The following MYH2 variants were observed in gnomAD, a reference collection of about 807,000 sequenced individuals.
MYH2 encodes the protein myosin-2.
Under a neutral mutation model 228.1 loss-of-function variants are expected in MYH2, and 139 were observed. The observed-to-expected ratio is 0.61, with a 90% CI of 0.53 to 0.70. The LOEUF (loss-of-function observed/expected upper bound fraction) is 0.70, where lower values mean the gene tolerates loss of function less well. Ranked by LOEUF, MYH2 falls within the 30% of genes least tolerant of loss-of-function variation. The probability of loss-of-function intolerance (pLI) is 0.00; values close to 1 mark genes in which losing one functional copy is unlikely to be tolerated. For synonymous variants in MYH2, 796 were observed against 871.1 expected (o/e 0.91, Z 1.52); for missense variants, 1,809 against 2,357.5 (o/e 0.77, Z 4.82).
chr17:10,541,064 G>A (rs1297372944), intron 10 of MYH2, among the ~76,000 whole-genome samples: 1 of 152,048 alleles, frequency 6.6e-6, no homozygotes, highest in Non-Finnish European at 1.5e-5. Context: ...GTTGCCTCAG[G>A]ACCCTGTGAT....
chr17:10,523,223 A>C (rs1567726561), intron 38 of MYH2, 38 bp from the exon 39 acceptor site: 1 of 1,605,786 alleles, frequency 6.2e-7, no homozygotes, highest in Middle Eastern at 1.7e-4. Flanking sequence ...TTAATTACTA[A>C]AGCACATGAC....
At chr17:10,530,162 T>C in intron 22 of MYH2, 88 bp from the exon 23 acceptor site, 1 of 1,607,028 alleles carries the variant, frequency 6.2e-7, no homozygotes, top group Admixed American at 1.7e-5. Flanking sequence ...TTTGATCTTT[T>C]GAATTTCCTA....
rs150566222 is a variant in MYH2, at chr17:10,531,676, G to A, written c.2654C>T (p.Thr885Met). The change falls in exon 22 of 40, where the codon ACG (threonine) becomes ATG (methionine). Residue 885 changes from threonine to methionine, a missense_variant. Transcript: ENST00000245503. ...KRKELEEKMV[T>M]LLKEKNDLQL... Reference sequence around the variant, plus strand: ...CAAGTCATTTTTTTCTTTCAACAGCGTCACCATCTTTTCTTCCAGTTCCTT... The same window carrying A: ...CAAGTCATTTTTTTCTTTCAACAGCATCACCATCTTTTCTTCCAGTTCCTT... 3.5e-5 allele frequency: 57 copies of A among 1,614,088 alleles called. No homozygotes were observed. The highest frequency in any genetic ancestry group is 1.3e-4 in the East Asian group (6 of 44,886).
intron 16 of MYH2, 147 bp from the exon 17 acceptor site, chr17:10,536,753 C>G: frequency 1.3e-6 from 1 of 771,948 alleles, no homozygotes; most frequent in Non-Finnish European, 2.2e-6. Context: ...TATTTTTCAA[C>G]TAAGTTTGCA....
rs1231692065 is a variant in MYH2, at chr17:10,529,268, C to A, written c.3264-16G>T. The A allele has an allele frequency of 6.2e-7, 1 of 1,614,132 alleles. No homozygotes were observed. Among genetic ancestry groups the A allele is most frequent in the Non-Finnish European group, 8.5e-7 (1 of 1,180,016 alleles). On this transcript the variant is annotated splice_polypyrimidine_tract_variant and intron_variant, in intron 25 of 39. Coordinates refer to ENST00000245503, the MANE Select transcript of MYH2 (RefSeq NM_017534.6). ...AAACTCTTTCCTTTTAGAAAAGTAG[C>A]AAAGGACAACAATTTAGTCCGTATC...
In MYH2 at chr17:10,525,116, G is replaced by A. The variant is rs569334631; in HGVS notation, c.4663-51C>T. 8 of 1,613,920 alleles carry A rather than the reference G, an allele frequency of 5.0e-6. No individual in the cohort carries two copies. In the Admixed American group the frequency reaches 6.7e-5, roughly 13 times the overall value. On this transcript the variant is annotated intron_variant, in intron 33 of 39. Coordinates refer to ENST00000245503, the MANE Select transcript of MYH2 (RefSeq NM_017534.6). This position sits in a 1 kb window ranked among gnomAD's most constrained non-coding sequence, Gnocchi z 4.2. ...AGCAAGGAACCAAAAGCTTTATGAA[G>A]TTTTTCTGCACAGCAATAATTTTGT... is the stretch of plus-strand genomic sequence containing the variant.
intron 27 of MYH2, among the ~76,000 whole-genome samples, chr17:10,528,162 G>A (rs2073378228): frequency 6.6e-6 from 1 of 150,662 alleles, no homozygotes; most frequent in South Asian, 2.1e-4. Flanking sequence ...TCCTGCCTCA[G>A]CCTCCTGAAT....
rs1567728744 is a variant in MYH2 at position 10,526,958 on chromosome 17, G to A, written c.3970C>T (p.Gln1324Ter). ...ATTACTTTTATCTCCTCTTCAAGTTGCCTCTTTAATTCTTCAATCTGTTGA... is the reference window on the plus strand; with the variant it reads ...ATTACTTTTATCTCCTCTTCAAGTTACCTCTTTAATTCTTCAATCTGTTGA... ...FTQQIEELKR[Q>*]LEEEIKAKNA... Residue 1324 changes from glutamine (Q) to a stop codon, truncating the protein, a stop_gained, in exon 29 of 40, where the codon CAA becomes TAA. Coordinates refer to ENST00000245503, the MANE Select transcript of MYH2 (RefSeq NM_017534.6). LOFTEE classifies it high-confidence loss of function. 1 of 1,614,046 alleles carries A rather than the reference G, an allele frequency of 6.2e-7. No individual in the cohort carries two copies. The highest frequency in any genetic ancestry group is 1.3e-5 in the African/African-American group (1 of 75,048).
Position 10,537,529 on chromosome 17 carries a change from A to G in MYH2, c.1601T>C (p.Phe534Ser), listed in dbSNP as rs938506224. The G allele has an allele frequency of 1.2e-5, 19 of 1,614,208 alleles. No individual in the cohort carries two copies. The highest frequency in any genetic ancestry group is 1.4e-5 in the Non-Finnish European group (16 of 1,180,024). Reference sequence around the variant, plus strand: ...CATGCACTCCTCTTCCAGGATGGAGAAGATGCCCATAGGCTAAAAAGCAGA... The same window carrying G: ...CATGCACTCCTCTTCCAGGATGGAGGAGATGCCCATAGGCTAAAAAGCAGA... ...IELIEKPMGI[F>S]SILEEECMFP... The change falls in exon 16 of 40, where the codon TTC becomes TCC. Residue 534 changes from phenylalanine (F) to serine (S), a missense_variant. Physicochemically the swap from Phe to Ser is radical, Grantham distance 155 (BLOSUM62 -2). Transcript: ENST00000245503. The surrounding 1 kb of genome is among the most constrained non-coding windows in gnomAD (Gnocchi z 4.0).
chr17:10,540,744 T>C, intron 10 of MYH2, 47 bp from the exon 11 acceptor site: 1 of 1,484,402 alleles, frequency 6.7e-7, no homozygotes, highest in East Asian at 2.3e-5. Flanking sequence ...ATCTTCTTCA[T>C]TAAAACAAGA....
chr17:10,538,626 C>CA (rs1215053231), intron 14 of MYH2, among the ~76,000 whole-genome samples: 1 of 135,926 alleles, frequency 7.4e-6, no homozygotes. Flanking sequence ...GCCTGGGCAA[C>CA]AGAGTGAGAC....
At position 10,536,619 on chromosome 17, in the gene MYH2, G is replaced by A. The variant is rs768863803; in HGVS notation, c.1898-13C>T. ...CCACCAGCTCCCTCTGAAGAAAAAGGAAGAAAAGAAATACTGTTTTGAATT... is the reference window on the plus strand; with the variant it reads ...CCACCAGCTCCCTCTGAAGAAAAAGAAAGAAAAGAAATACTGTTTTGAATT... On this transcript the variant is annotated splice_polypyrimidine_tract_variant and intron_variant, in intron 16 of 39. Transcript: ENST00000245503. 4 of 1,609,984 alleles carry A rather than the reference G, an allele frequency of 2.5e-6. No individual in the cohort carries two copies. The highest frequency in any genetic ancestry group is 1.7e-5 in the Admixed American group (1 of 59,902).
At chr17:10,545,228 C>G (rs2073611749) in intron 5 of MYH2, 118 bp downstream of exon 5, 1 of 1,580,882 alleles carries the variant, frequency 6.3e-7, no homozygotes, top group Admixed American at 1.7e-5. Context: ...TTCATAAATA[C>G]ACCAGCCTCA....
At chr17:10,540,140 T>C (rs1190349133) in intron 11 of MYH2, 74 bp from the exon 12 acceptor site, 1 of 1,598,790 alleles carries the variant, frequency 6.3e-7, no homozygotes, top group East Asian at 2.2e-5. Context: ...ACATTCCCAT[T>C]GCTGGCCTGA....
chr17:10,523,916 T>C (rs1312036869), intron 35 of MYH2, 32 bp from the exon 36 acceptor site: 5 of 1,604,858 alleles, frequency 3.1e-6, no homozygotes, highest in Non-Finnish European at 4.3e-6. Context: ...ATTTAAAAAA[T>C]TGTGTTACCA....
In MYH2 at chr17:10,536,600, G is replaced by C. The variant is rs777903117; in HGVS notation, c.1904C>G (p.Ala635Gly). Residue 635 changes from alanine to glycine, a missense_variant, in exon 17 of 40, where the codon GCT becomes GGT. Around this residue, in one of 9 missense-constraint regions of MYH2, gnomAD observed 276 missense variants for 344.2 expected, o/e 0.80. Transcript: ENST00000245503. ...ACCACCTTTCTTGGCCCCTCCACCA[G>C]CTCCCTCTGAAGAAAAAGGAAGAAA... ...SGAQTAEGEG[A>G]GGGAKKGGKK... The C allele has an allele frequency of 1.9e-6, 3 of 1,613,344 alleles. No homozygotes were observed. Among genetic ancestry groups the C allele is most frequent in the Non-Finnish European group, 1.7e-6 (2 of 1,179,506 alleles).
rs746987339 is a variant in MYH2, at chr17:10,526,704, G to T, written c.4082C>A (p.Ala1361Asp). ...CTTGGACAGTGCTCTCTGCAGCTCGGCCTTGGATTCCTGCTCCTCCTCATA... is the reference window on the plus strand; with the variant it reads ...CTTGGACAGTGCTCTCTGCAGCTCGTCCTTGGATTCCTGCTCCTCCTCATA... ...EQYEEEQESK[A>D]ELQRALSKAN... The change falls in exon 30 of 40, where the codon GCC becomes GAC. Residue 1361 changes from alanine (A) to aspartate (D), a missense_variant. Ala to Asp is a moderately radical substitution (Grantham distance 126). Around this residue, in one of 9 missense-constraint regions of MYH2, gnomAD observed 636 missense variants for 729.9 expected, o/e 0.87. Transcript: ENST00000245503. 7 of 1,614,000 alleles carry T rather than the reference G, an allele frequency of 4.3e-6. 1 individual carries two copies. The South Asian group carries it at 6.6e-5, about 15-fold the overall frequency.
intron 14 of MYH2, among the ~76,000 whole-genome samples, chr17:10,538,268 A>G (rs1309381027): frequency 6.6e-6 from 1 of 152,030 alleles, no homozygotes; most frequent in African/African-American, 2.4e-5. Context: ...CAGCATGGCA[A>G]GTGAACAATA....
rs1027280616 is a variant in MYH2, at chr17:10,529,447, C to T, written c.3152G>A (p.Arg1051His). 3.0e-5 allele frequency: 49 copies of T among 1,614,012 alleles called. No homozygotes were observed. Among genetic ancestry groups the T allele is most frequent in the Non-Finnish European group, 3.7e-5 (44 of 1,180,036 alleles). The change falls in exon 25 of 40, where the codon CGC (arginine) becomes CAC (histidine). Residue 1051 changes from arginine to histidine, a missense_variant. Arg to His is a conservative substitution (Grantham distance 29). This residue lies in a region of MYH2 where 636 missense variants were observed against 729.9 expected (regional missense o/e 0.87). Coordinates refer to ENST00000245503, the MANE Select transcript of MYH2 (RefSeq NM_017534.6). ...EGSLEQEKKLRMDLERAKRKL... is the reference protein window; with the variant it reads ...EGSLEQEKKLHMDLERAKRKL... ...CCTCTTAGCCCTTTCTAGGTCCATG[C>T]GAAGTTTCTTTTCTTGCTCCAAGGA...
Sources: gnomAD v4.1 joint callset for allele counts (sites outside exome capture counted in the v4.1 genomes callset) on GRCh38, gnomAD v4.1.1 for gene constraint, gnomAD v4.1.1 regional missense constraint, Gnocchi (gnomAD v3.1) non-coding constraint, MANE v1.5 for transcripts, NCBI Gene and HGNC (gene_info 2026-07-23, HGNC 2026-07-21) for gene names.